The following BACH2 variants were observed in gnomAD, a reference collection of about 807,000 sequenced individuals.
BACH2 encodes the protein transcription regulator protein BACH2.
A neutral mutation model predicts 61.8 loss-of-function variants in BACH2; 5 were observed. The ratio of observed to expected loss-of-function variants is 0.08; its 90% confidence interval spans 0.04 to 0.17. BACH2 has a LOEUF of 0.17. BACH2 is among the 10% of genes least tolerant of loss of function. The pLI, the probability that BACH2 is intolerant of heterozygous loss-of-function variation, is 1.00. For synonymous variants in BACH2, 446 were observed against 440.1 expected (o/e 1.01, Z -0.17); for missense variants, 824 against 1,091.1 (o/e 0.76, Z 3.45).
At chr6:90,283,274 T>C (rs1434321531) in intron 1 of BACH2, among the ~76,000 whole-genome samples, 1 of 152,234 alleles carries the variant, frequency 6.6e-6, no homozygotes, top group East Asian at 1.9e-4. Context: ...CAAACGTCTT[T>C]ACCACTTTGG....
At chr6:90,118,673 C>A (rs1783501171) in intron 4 of BACH2, among the ~76,000 whole-genome samples, 2 of 152,126 alleles carry the variant, frequency 1.3e-5, no homozygotes, top group Admixed American at 1.3e-4. Flanking sequence ...CATGGAAAGA[C>A]CAAGATGCGC....
intron 5 of BACH2, among the ~76,000 whole-genome samples, chr6:90,063,715 C>T (rs1355775166): frequency 2.0e-5 from 3 of 152,178 alleles, no homozygotes; most frequent in South Asian, 2.1e-4. Context: ...AATACTACTA[C>T]CCACCCTACC....
chr6:90,042,593 T>C (rs1779590449), intron 5 of BACH2, among the ~76,000 whole-genome samples: 1 of 152,132 alleles, frequency 6.6e-6, no homozygotes, highest in Non-Finnish European at 1.5e-5. Context: ...GGGGTCTCTG[T>C]CTTTCCATCA....
At chr6:90,045,997 C>T (rs761535389) in intron 5 of BACH2, among the ~76,000 whole-genome samples, 6 of 152,104 alleles carry the variant, frequency 3.9e-5, no homozygotes, top group Admixed American at 6.5e-5. Context: ...CCCTGCTCCA[C>T]TATGATCAAA....
chr6:89,962,124 T>G (rs1162633254), intron 6 of BACH2, among the ~76,000 whole-genome samples: 1 of 152,250 alleles, frequency 6.6e-6, no homozygotes, highest in Non-Finnish European at 1.5e-5. Context: ...TTTGACACTT[T>G]CCTTAGCTCC....
chr6:90,200,808 G>T lies in BACH2; in HGVS notation c.-162+5761C>A, dbSNP rs150042529. On this transcript the variant is annotated intron_variant, in intron 4 of 8. Coordinates refer to ENST00000257749, the MANE Select transcript of BACH2 (RefSeq NM_021813.4). ...ATCATGTATATTTTAAAAATGCAATGAAGTTCATATTTTAAAGATAATTAG... is the reference window on the plus strand; with the variant it reads ...ATCATGTATATTTTAAAAATGCAATTAAGTTCATATTTTAAAGATAATTAG... 1.3e-3 allele frequency among the ~76,000 whole-genome samples: 204 copies of T among 152,232 alleles called. 1 individual carries two copies. The highest frequency in any genetic ancestry group is 4.5e-3 in the African/African-American group (189 of 41,546).
intron 6 of BACH2, among the ~76,000 whole-genome samples, chr6:89,969,548 C>T (rs933882890): frequency 5.3e-5 from 8 of 152,122 alleles, no homozygotes; most frequent in African/African-American, 1.7e-4. Flanking sequence ...GGACAGAGAG[C>T]GCAGCACCAA....
chr6:90,138,604 T>C (rs1267291177), intron 4 of BACH2, among the ~76,000 whole-genome samples: 1 of 151,884 alleles, frequency 6.6e-6, no homozygotes, highest in African/African-American at 2.4e-5. Context: ...AAAAAATCAT[T>C]GAAAAAAATC....
chr6:90,020,938 T>C (rs867340607), intron 5 of BACH2, among the ~76,000 whole-genome samples: 1 of 152,188 alleles, frequency 6.6e-6, no homozygotes, highest in Non-Finnish European at 1.5e-5. Context: ...TGTTAAAGTA[T>C]GTAGACATTA....
intron 5 of BACH2, among the ~76,000 whole-genome samples, chr6:90,031,136 C>A (rs1350302150): frequency 1.3e-5 from 2 of 151,982 alleles, no homozygotes; most frequent in Non-Finnish European, 2.9e-5. Flanking sequence ...CAGAAAAGGC[C>A]TTTGACAAAA....
intron 4 of BACH2, among the ~76,000 whole-genome samples, chr6:90,200,143 T>C (rs1218707836): frequency 3.3e-5 from 5 of 152,154 alleles, no homozygotes; most frequent in African/African-American, 1.2e-4. Flanking sequence ...TTAAACACCG[T>C]TGTGTATAGT....
At chr6:90,058,863 A>G (rs1197662513) in intron 5 of BACH2, among the ~76,000 whole-genome samples, 1 of 152,262 alleles carries the variant, frequency 6.6e-6, no homozygotes, top group African/African-American at 2.4e-5. Flanking sequence ...GACAAAAACA[A>G]GAAATGGGGA....
At chr6:90,134,162 TAA>T (rs1000646274) in intron 4 of BACH2, among the ~76,000 whole-genome samples, 3 of 152,132 alleles carry the variant, frequency 2.0e-5, no homozygotes, top group Admixed American at 6.5e-5. Context: ...ACCAACAGTG[TAA>T]AAGTGTTCCT....
intron 4 of BACH2, among the ~76,000 whole-genome samples, chr6:90,137,816 G>A (rs906637824): frequency 5.9e-5 from 9 of 152,110 alleles, no homozygotes; most frequent in African/African-American, 1.9e-4. Context: ...AGGAGGACTC[G>A]ATGCCCAGAC....
At chr6:90,233,836 C>T (rs1048670076) in intron 3 of BACH2, among the ~76,000 whole-genome samples, 2 of 152,108 alleles carry the variant, frequency 1.3e-5, no homozygotes, top group Admixed American at 6.6e-5. Flanking sequence ...AGAGAGAATG[C>T]CAGCCACGGC....
chr6:90,140,269 T>C (rs1264558220), intron 4 of BACH2, among the ~76,000 whole-genome samples: 3 of 152,164 alleles, frequency 2.0e-5, no homozygotes, highest in Non-Finnish European at 2.9e-5. Flanking sequence ...AGCTCAACTA[T>C]ACAAGGGATT....
chr6:90,092,774 C>A (rs1030193456), intron 4 of BACH2, among the ~76,000 whole-genome samples: 2 of 152,158 alleles, frequency 1.3e-5, no homozygotes, highest in Admixed American at 1.3e-4. Flanking sequence ...TACGAACTAG[C>A]TGCCTGACTC....
chr6:90,265,812 G>A (rs1414230832), intron 2 of BACH2, among the ~76,000 whole-genome samples: 1 of 152,078 alleles, frequency 6.6e-6, no homozygotes, highest in African/African-American at 2.4e-5. Flanking sequence ...GTAATGTCCT[G>A]GGCACCAGAT....
intron 4 of BACH2, among the ~76,000 whole-genome samples, chr6:90,133,292 A>G (rs541105973): frequency 1.3e-5 from 2 of 152,346 alleles, no homozygotes; most frequent in South Asian, 4.1e-4. Context: ...GAAATGCAAG[A>G]GTAAACTCAG....
Sources: gnomAD v4.1 joint callset for allele counts (sites outside exome capture counted in the v4.1 genomes callset) on GRCh38, gnomAD v4.1.1 for gene constraint, MANE v1.5 for transcripts, NCBI Gene and HGNC (gene_info 2026-07-23, HGNC 2026-07-21) for gene names.